Variants in ZC3H12B observed in about 807,000 individuals in gnomAD.
ZC3H12B encodes zinc finger CCCH-type containing 12B, also known as probable ribonuclease ZC3H12B.
Under a neutral mutation model 43.9 loss-of-function variants are expected in ZC3H12B, and 7 were observed. The observed-to-expected ratio is 0.16, with a 90% CI of 0.09 to 0.30. ZC3H12B has a LOEUF of 0.30. Ranked by LOEUF, ZC3H12B falls within the 10% of genes least tolerant of loss-of-function variation. ZC3H12B has a pLI of 1.00. For synonymous variants in ZC3H12B, 222 were observed against 241.7 expected, an observed-to-expected ratio of 0.92 and a Z score of 0.76; for missense variants, 475 against 670.2, an observed-to-expected ratio of 0.71 and a Z score of 3.22.
chrX:65,354,398 G>GAAAGT, the ZC3H12B span, among the ~76,000 whole-genome samples: 3 of 111,887 alleles, frequency 2.7e-5, no homozygotes, highest in Admixed American at 9.5e-5. Context: ...CTAACAAACA[G>GAAAGT]AAAGTAATAG....
the ZC3H12B span, among the ~76,000 whole-genome samples, chrX:65,331,526 T>C: frequency 9.1e-6 from 1 of 109,336 alleles, no homozygotes; most frequent in Non-Finnish European, 1.9e-5. Context: ...GTACAAAGCC[T>C]GTGAGACAGG....
the ZC3H12B span, among the ~76,000 whole-genome samples, chrX:65,072,042 A>G: frequency 8.9e-6 from 1 of 112,166 alleles, no homozygotes; most frequent in African/African-American, 3.2e-5. Flanking sequence ...ATCTTGAAAT[A>G]TAATTTCTAA....
chrX:65,311,332 G>A, the ZC3H12B span, among the ~76,000 whole-genome samples: 11 of 112,029 alleles, frequency 9.8e-5, no homozygotes, highest in Non-Finnish European at 1.9e-4. Context: ...AGTGGGCAAA[G>A]GATATGAACA....
At chrX:65,192,393 A>T in the ZC3H12B span, among the ~76,000 whole-genome samples, 1 of 111,235 alleles carries the variant, frequency 9.0e-6, no homozygotes, top group African/African-American at 3.3e-5. Context: ...ACCATTTTGA[A>T]TAACAGTGGT....
At position 65,444,649 on chromosome X, in the gene ZC3H12B, G is replaced by T. The variant is rs765739854; in HGVS notation, n.408-43997G>T. Among the ~76,000 whole-genome samples, 4 of 112,060 alleles carry T rather than the reference G, an allele frequency of 3.6e-5. No homozygotes were observed. The East Asian group carries it at 1.1e-3, about 31-fold the overall frequency. ...AGTAAATTGGTACCGGTAGAGTGGG[G>T]TGTTACTGAAAAGACACCTGAAAAT... On this transcript the variant is annotated intron_variant and non_coding_transcript_variant, in intron 3 of 5. Coordinates refer to the ZC3H12B transcript ENST00000617377.
chrX:65,233,610 C>G, the ZC3H12B span, among the ~76,000 whole-genome samples: 1 of 108,545 alleles, frequency 9.2e-6, no homozygotes, highest in African/African-American at 3.3e-5. Flanking sequence ...AGTACTAAGA[C>G]GGACATTTAT....
the ZC3H12B span, among the ~76,000 whole-genome samples, chrX:65,277,565 CAT>C: frequency 2.7e-5 from 3 of 111,629 alleles, no homozygotes; most frequent in Non-Finnish European, 5.7e-5. Context: ...ACAAGAGGAA[CAT>C]GTGAAATGAT....
At chrX:65,043,160 C>A in the ZC3H12B span, among the ~76,000 whole-genome samples, 2 of 110,664 alleles carry the variant, frequency 1.8e-5, no homozygotes, top group African/African-American at 3.3e-5. Flanking sequence ...GTTATTAGGC[C>A]CCAACCCTAA....
intron 2 of ZC3H12B, among the ~76,000 whole-genome samples, chrX:65,373,971 GTATATA>G (rs1556058082): frequency 7.3e-5 from 3 of 41,343 alleles, no homozygotes; most frequent in African/African-American, 7.2e-4. Flanking sequence ...TGTATATATA[GTATATA>G]TATATACTAT....
chrX:65,443,684 C>T (rs968709936), intron 3 of ZC3H12B, among the ~76,000 whole-genome samples: 22 of 112,443 alleles, frequency 2.0e-4, no homozygotes, highest in Non-Finnish European at 3.9e-4. Context: ...AGCGGTTTTC[C>T]AGCCTGGGCG....
the ZC3H12B span, among the ~76,000 whole-genome samples, chrX:65,035,226 G>A: frequency 8.9e-6 from 1 of 112,108 alleles, no homozygotes; most frequent in Non-Finnish European, 1.9e-5. Context: ...CCCTGCAGGG[G>A]CTGCGTCGAG....
chrX:65,192,542 G>A, the ZC3H12B span, among the ~76,000 whole-genome samples: 1 of 110,734 alleles, frequency 9.0e-6, no homozygotes, highest in East Asian at 2.8e-4. Context: ...CAGTTTTTTG[G>A]TAGGTTTATT....
At chrX:65,403,649 C>A (rs781107107) in intron 3 of ZC3H12B, among the ~76,000 whole-genome samples, 20 of 111,344 alleles carry the variant, frequency 1.8e-4, no homozygotes, top group Admixed American at 6.7e-4. Flanking sequence ...ACCTTACAGG[C>A]CAAGAGAGTG....
At chrX:65,074,626 C>T in the ZC3H12B span, among the ~76,000 whole-genome samples, 1 of 111,152 alleles carries the variant, frequency 9.0e-6, no homozygotes, top group South Asian at 3.7e-4. Flanking sequence ...TGATTGTGTC[C>T]CATAAGTCCT....
Position 65,370,934 on chromosome X carries a change from C to A in ZC3H12B, n.295+1936C>A, listed in dbSNP as rs184001499. Among the ~76,000 whole-genome samples the A allele has an allele frequency of 6.6e-3, 735 of 111,625 alleles. 3 individuals carry two copies. The highest frequency in any genetic ancestry group is 9.6e-3 in the Non-Finnish European group (508 of 53,049). ...GAAGAAAGGGGACCAGAGTTCCAAT[C>A]CTGATTTTACCACTGCCTAATTGTA... On this transcript the variant is annotated intron_variant and non_coding_transcript_variant, in intron 2 of 5. Coordinates refer to the ZC3H12B transcript ENST00000617377.
the ZC3H12B span, among the ~76,000 whole-genome samples, chrX:65,340,984 A>G: frequency 6.3e-4 from 71 of 112,407 alleles, no homozygotes; most frequent in African/African-American, 2.0e-3. Flanking sequence ...GAGCTTACAG[A>G]CAAAATAGCC....
At chrX:65,150,889 G>A in the ZC3H12B span, among the ~76,000 whole-genome samples, 1 of 110,876 alleles carries the variant, frequency 9.0e-6, no homozygotes, top group Non-Finnish European at 1.9e-5. Flanking sequence ...AAGTGGCTAT[G>A]TACTCTTCCC....
At chrX:65,259,582 G>A in the ZC3H12B span, among the ~76,000 whole-genome samples, 1 of 111,898 alleles carries the variant, frequency 8.9e-6, no homozygotes, top group South Asian at 3.7e-4. Context: ...AAACAGAAGG[G>A]CTTCTGCACA....
rs1602394423 is a variant in ZC3H12B at position 65,408,193 on chromosome X, G to A, written n.407+9489G>A. ...TTAAAGAGGAATTCCAGTTCCTGCA[G>A]GCGCAGTATCACAGCCTTAAATTGG... On this transcript the variant is annotated intron_variant and non_coding_transcript_variant, in intron 3 of 5. Coordinates refer to the ZC3H12B transcript ENST00000617377. 22 of 1,200,073 alleles carry A rather than the reference G, an allele frequency of 1.8e-5. No homozygotes were observed. The East Asian group carries it at 6.5e-4, about 36-fold the overall frequency.
Sources: gnomAD v4.1 joint callset for allele counts (sites outside exome capture counted in the v4.1 genomes callset) on GRCh38, gnomAD v4.1.1 for gene constraint, MANE v1.5 for transcripts, NCBI Gene and HGNC (gene_info 2026-07-23, HGNC 2026-07-21) for gene names.